Variants in MAN2B1 observed in about 807,000 individuals in gnomAD.
MAN2B1 encodes mannosidase alpha class 2B member 1, also known as lysosomal alpha-mannosidase.
A neutral mutation model predicts 127.5 loss-of-function variants in MAN2B1; 99 were observed. The observed-to-expected ratio is 0.78, with a 90% confidence interval of 0.66 to 0.92. The LOEUF (loss-of-function observed/expected upper bound fraction) is 0.92. Ranked by LOEUF, MAN2B1 falls within the 40% of genes least tolerant of loss-of-function variation. The probability of loss-of-function intolerance (pLI) is 0.00; values close to 1 mark genes in which losing one functional copy is unlikely to be tolerated. For missense variants in MAN2B1, 1,304 were observed against 1,384.8 expected, an observed-to-expected ratio of 0.94 and a Z score of 0.93; for synonymous variants, 573 against 568.8, an observed-to-expected ratio of 1.01 and a Z score of -0.11.
At chr19:12,665,862 G>A (rs2024222729) in intron 1 of MAN2B1, 57 bp from the exon 2 acceptor site, 17 of 1,369,592 alleles carry the variant, frequency 1.2e-5, no homozygotes, top group Non-Finnish European at 1.7e-5. Context: ...GTCGGGGGCT[G>A]CAGAGTAAGT....
intron 21 of MAN2B1, 122 bp downstream of exon 21, chr19:12,648,053 C>T: frequency 1.9e-6 from 2 of 1,057,884 alleles, no homozygotes; most frequent in Non-Finnish European, 2.8e-6. Flanking sequence ...GGGGTTGGCC[C>T]GAGGGTTTGG....
At position 12,652,133 on chromosome 19, in the gene MAN2B1, C is replaced by T; in HGVS notation, c.2046+20G>A. 2 of 1,592,024 alleles carry T rather than the reference C, an allele frequency of 1.3e-6. No individual in the cohort carries two copies. Among genetic ancestry groups the T allele is most frequent in the Non-Finnish European group, 1.7e-6 (2 of 1,159,974 alleles). On this transcript the variant is annotated intron_variant, in intron 16 of 23. Transcript: ENST00000456935. ...ACTTCCCCATTCCCAACTGCCCACT[C>T]ATCATTCCTAGTCCCTGACCTTCAC...
intron 7 of MAN2B1, among the ~76,000 whole-genome samples, chr19:12,660,114 A>G (rs1303179209): frequency 6.6e-6 from 1 of 152,190 alleles, no homozygotes; most frequent in Non-Finnish European, 1.5e-5. Context: ...AAAAGTGTCC[A>G]TGTCCTGATC....
At position 12,650,157 on chromosome 19, in the gene MAN2B1, G is replaced by C; in HGVS notation, c.2112C>G (p.Tyr704Ter). 6.2e-7 allele frequency: 1 copy of C among 1,614,024 alleles called. No homozygotes were observed. Among genetic ancestry groups the C allele is most frequent in the Non-Finnish European group, 8.5e-7 (1 of 1,180,018 alleles). The change falls in exon 17 of 24, where the codon TAC (tyrosine) becomes TAG (stop). Residue 704 changes from tyrosine to a stop codon, truncating the protein, a stop_gained. Coordinates refer to ENST00000456935, the MANE Select transcript of MAN2B1 (RefSeq NM_000528.4). LOFTEE classifies it high-confidence loss of function. ...CTAGCTCCAGGTGCCGCTGTCCTGG[G>C]TACAGGCGAACCACCTGGGAACACC... ...SAWCSQVVRL[Y>*]PGQRHLELEW...
intron 16 of MAN2B1, among the ~76,000 whole-genome samples, chr19:12,650,951 C>T (rs891960859): frequency 2.0e-5 from 3 of 150,390 alleles, no homozygotes; most frequent in African/African-American, 7.4e-5. Flanking sequence ...GGATTACAGG[C>T]GTGAGCCACT....
In MAN2B1 at chr19:12,647,009, A is replaced by G; in HGVS notation, c.2923+224T>C. 1 of 608,810 alleles carries G rather than the reference A, an allele frequency of 1.6e-6. No homozygotes were observed. The highest frequency in any genetic ancestry group is 2.0e-5 in the South Asian group (1 of 50,918). 37.7% of individuals were successfully genotyped at this position (608,810 alleles called of 1,614,324 possible). ...AACTAGACATGGATGGGGATTTTCAAATCTTGTTCTTGGGACTAAACAGCA... is the reference window on the plus strand; with the variant it reads ...AACTAGACATGGATGGGGATTTTCAGATCTTGTTCTTGGGACTAAACAGCA... On this transcript the variant is annotated intron_variant, in intron 23 of 23. Coordinates refer to ENST00000456935, the MANE Select transcript of MAN2B1 (RefSeq NM_000528.4). This position sits in a 1 kb window ranked among gnomAD's most constrained non-coding sequence, Gnocchi z 4.9.
At position 12,654,901 on chromosome 19, in the gene MAN2B1, G is replaced by A. The variant is rs553247728; in HGVS notation, c.1830+793C>T. 5.7e-4 allele frequency among the ~76,000 whole-genome samples: 87 copies of A among 152,240 alleles called. 1 individual carries two copies. The highest frequency in any genetic ancestry group is 5.9e-5 in the Non-Finnish European group (4 of 68,020). On this transcript the variant is annotated intron_variant, in intron 14 of 23. Transcript: ENST00000456935. ...AGCTGGTCTCAAACTCCTGAGCTCA[G>A]TAGATCCACCCACCTCAGCCTCCCG...
At position 12,648,283 on chromosome 19, in the gene MAN2B1, T is replaced by A; in HGVS notation, c.2556A>T (p.Ala852=). 6.2e-7 allele frequency: 1 copy of A among 1,610,990 alleles called. No individual in the cohort carries two copies. Among genetic ancestry groups the A allele is most frequent in the South Asian group, 1.1e-5 (1 of 90,972 alleles). Residue 852 remains alanine (A), a synonymous_variant, in exon 21 of 24, where the codon GCA becomes GCT. Transcript: ENST00000456935. ...HLVLLDTAQA[A]AAGHRLLAEQ... The stretch of plus-strand genomic sequence containing the variant: ...CCGCCAGGAGCCGGTGTCCGGCGGC[T>A]GCAGCCTGGGCTGTGTCCAGCAGCA...
chr19:12,649,972 C>T lies in MAN2B1; in HGVS notation c.2208G>A (p.Pro736=), dbSNP rs750890285. The change falls in exon 18 of 24, where the codon CCG becomes CCA. Residue 736 remains proline, a synonymous_variant. Coordinates refer to ENST00000456935, the MANE Select transcript of MAN2B1 (RefSeq NM_000528.4). ...TGTAGAAGCGTCCCTTTGTCTCCAGCGGTGTGTCAAAACGGCTGATGACCT... is the reference window on the plus strand; with the variant it reads ...TGTAGAAGCGTCCCTTTGTCTCCAGTGGTGTGTCAAAACGGCTGATGACCT... ...GKEVISRFDT[P]LETKGRFYTD... 17 of 1,613,814 alleles carry T rather than the reference C, an allele frequency of 1.1e-5. No individual in the cohort carries two copies. The South Asian group carries it at 1.1e-4, about 10-fold the overall frequency.
intron 13 of MAN2B1, 102 bp from the exon 14 acceptor site, chr19:12,655,981 G>A (rs995344408): frequency 2.3e-6 from 2 of 875,458 alleles, no homozygotes; most frequent in East Asian, 2.6e-5. Context: ...CTGAGATGGG[G>A]AAAGGAAATG....
chr19:12,659,200 G>A lies in MAN2B1; in HGVS notation c.1027-690C>T, dbSNP rs529938345. Among the ~76,000 whole-genome samples the A allele has an allele frequency of 2.0e-5, 3 of 152,056 alleles. No homozygotes were observed. In the East Asian group the frequency reaches 5.8e-4, roughly 29 times the overall value. ...TGAATGGAGGTGCACTTTCACCTGAGCAAGGTGGAGGAACAAGAAAGTGAC... is the reference window on the plus strand; with the variant it reads ...TGAATGGAGGTGCACTTTCACCTGAACAAGGTGGAGGAACAAGAAAGTGAC... On this transcript the variant is annotated intron_variant, in intron 7 of 23. Coordinates refer to ENST00000456935, the MANE Select transcript of MAN2B1 (RefSeq NM_000528.4).
chr19:12,664,018 A>C lies in MAN2B1; in HGVS notation c.631-183T>G, dbSNP rs8106147. 4.2e-3 allele frequency among the ~76,000 whole-genome samples: 632 copies of C among 152,270 alleles called. 7 individuals carry two copies. The highest frequency in any genetic ancestry group is 0.015 in the African/African-American group (605 of 41,554). On this transcript the variant is annotated intron_variant, in intron 4 of 23. Coordinates refer to ENST00000456935, the MANE Select transcript of MAN2B1 (RefSeq NM_000528.4). ...CAAAACAGGAGGATCACTTAAACCC[A>C]GGAGTTTTTGAGACCAGCCTGCACA...
At chr19:12,656,282 A>C in intron 13 of MAN2B1, 1 of 474,596 alleles carries the variant, frequency 2.1e-6, no homozygotes, top group South Asian at 2.4e-5. Context: ...CCTATAATCC[A>C]GCAGGCGGAG....
Position 12,647,261 on chromosome 19 carries a change from G to T in MAN2B1, c.2895C>A (p.Ala965=). 6.2e-7 allele frequency: 1 copy of T among 1,614,106 alleles called. No individual in the cohort carries two copies. The highest frequency in any genetic ancestry group is 8.5e-7 in the Non-Finnish European group (1 of 1,179,994). Residue 965 remains alanine (A), a synonymous_variant, in exon 23 of 24, where the codon GCC becomes GCA. Coordinates refer to ENST00000456935, the MANE Select transcript of MAN2B1 (RefSeq NM_000528.4). The surrounding 1 kb of genome is among the most constrained non-coding windows in gnomAD (Gnocchi z 4.9). Reference sequence around the variant, plus strand: ...TGTTTGTTGTCCACTTGAGCCTGGAGGCTGCCTCGCGGAGCTGGTTGGCCA... The same window carrying T: ...TGTTTGTTGTCCACTTGAGCCTGGATGCTGCCTCGCGGAGCTGGTTGGCCA... The part of the protein sequence containing the change: ...TLVANQLREA[A]SRLKWTTNTG...
Position 12,663,429 on chromosome 19 carries a change from T to C in MAN2B1, c.797A>G (p.Asn266Ser). ...VLPNGYNPPR[N>S]LCWDVLCVDQ... is the part of the protein sequence containing the mutation. ...GACACACAGCACATCCCAGCACAGATTCCTTGGCGGGTTGTAACCATTGGG... is the reference window on the plus strand; with the variant it reads ...GACACACAGCACATCCCAGCACAGACTCCTTGGCGGGTTGTAACCATTGGG... Residue 266 changes from asparagine (N) to serine (S), a missense_variant, in exon 6 of 24, where the codon AAT becomes AGT. Coordinates refer to ENST00000456935, the MANE Select transcript of MAN2B1 (RefSeq NM_000528.4). The C allele has an allele frequency of 6.2e-7, 1 of 1,614,098 alleles. No homozygotes were observed. Among genetic ancestry groups the C allele is most frequent in the Non-Finnish European group, 8.5e-7 (1 of 1,179,960 alleles).
At chr19:12,666,040 T>A (rs939091074) in intron 1 of MAN2B1, among the ~76,000 whole-genome samples, 42 of 152,110 alleles carry the variant, frequency 2.8e-4, no homozygotes, top group African/African-American at 1.0e-3. Flanking sequence ...AAAATAATAA[T>A]AGAAGTAGCT....
At position 12,646,682 on chromosome 19, in the gene MAN2B1, G is replaced by T; in HGVS notation, c.2974C>A (p.Leu992Met). The T allele has an allele frequency of 6.2e-7, 1 of 1,614,138 alleles. No individual in the cohort carries two copies. Among genetic ancestry groups the T allele is most frequent in the Non-Finnish European group, 8.5e-7 (1 of 1,180,028 alleles). The change falls in exon 24 of 24, where the codon CTG becomes ATG. Residue 992 changes from leucine to methionine, a missense_variant. Physicochemically the swap from Leu to Met is conservative, Grantham distance 15. Transcript: ENST00000456935. ...PYQLDPANITLEPMEIRTFLA... is the reference protein window; with the variant it reads ...PYQLDPANITMEPMEIRTFLA... ...AAAGTGCGGATTTCCATGGGTTCCA[G>T]CGTGATGTTGGCCGGGTCCAGCTGG...
At chr19:12,658,595 G>T (rs2024032357) in intron 7 of MAN2B1, 85 bp from the exon 8 acceptor site, 6 of 1,151,064 alleles carry the variant, frequency 5.2e-6, no homozygotes, top group Non-Finnish European at 6.4e-6. Flanking sequence ...GCACATTCAT[G>T]CATCCCATAG....
chr19:12,652,005 T>C, intron 16 of MAN2B1, 148 bp downstream of exon 16: 1 of 725,862 alleles, frequency 1.4e-6, no homozygotes, highest in African/African-American at 1.7e-5. Context: ...CCTCAAATAT[T>C]TCCCCCGCTG....
Sources: gnomAD v4.1 joint callset for allele counts (sites outside exome capture counted in the v4.1 genomes callset) on GRCh38, gnomAD v4.1.1 for gene constraint, Gnocchi (gnomAD v3.1) non-coding constraint, MANE v1.5 for transcripts, NCBI Gene and HGNC (gene_info 2026-07-23, HGNC 2026-07-21) for gene names.